Variants in ZMAT4 observed in about 807,000 individuals in gnomAD.
ZMAT4 encodes the protein zinc finger matrin-type 4.
A neutral mutation model predicts 28.7 loss-of-function variants in ZMAT4; 17 were observed. That is an observed-to-expected ratio of 0.59 (90% CI 0.41 to 0.89). ZMAT4 has a LOEUF of 0.89. Ranked by LOEUF, ZMAT4 falls within the 40% of genes least tolerant of loss-of-function variation. The pLI is 0.00. For synonymous variants in ZMAT4, 117 were observed against 109.2 expected (o/e 1.07, Z -0.44); for missense variants, 240 against 283.8 (o/e 0.85, Z 1.11).
At chr8:40,634,319 T>C (rs1451680) in intron 5 of ZMAT4, among the ~76,000 whole-genome samples, 86,077 of 151,934 alleles carry the variant, frequency 0.57, 25,470 homozygotes, top group East Asian at 0.69. Context: ...GAAAAAGACC[T>C]TGTAAGTCTA....
intron 3 of ZMAT4, among the ~76,000 whole-genome samples, chr8:40,763,914 T>G (rs4236932): frequency 6.6e-6 from 1 of 152,190 alleles, no homozygotes; most frequent in East Asian, 1.9e-4. Context: ...ATAAAAATAC[T>G]GTTTACTTAA....
chr8:40,729,921 A>G (rs7812652), intron 3 of ZMAT4, among the ~76,000 whole-genome samples: 41,604 of 152,106 alleles, frequency 0.27, 6,572 homozygotes, highest in East Asian at 0.56. Context: ...GTATTTAAAA[A>G]AACAAAATTA....
intron 1 of ZMAT4, among the ~76,000 whole-genome samples, chr8:40,833,448 A>G (rs1816358223): frequency 6.6e-6 from 1 of 151,004 alleles, no homozygotes; most frequent in Non-Finnish European, 1.5e-5. Flanking sequence ...CGTGCCTGTA[A>G]TCCCAGCTAC....
At chr8:40,768,096 GCTGCC>G (rs2150561840) in intron 2 of ZMAT4, among the ~76,000 whole-genome samples, 1 of 152,296 alleles carries the variant, frequency 6.6e-6, no homozygotes, top group East Asian at 1.9e-4. Context: ...TCTCACTACT[GCTGCC>G]CTGCCCTCAG....
At chr8:40,599,824 G>GC (rs1237468681) in intron 5 of ZMAT4, among the ~76,000 whole-genome samples, 1 of 152,102 alleles carries the variant, frequency 6.6e-6, no homozygotes, top group Non-Finnish European at 1.5e-5. Flanking sequence ...GGGGGCCCCC[G>GC]CCCCTCCTCC....
chr8:40,793,544 C>A (rs115692531), intron 2 of ZMAT4, among the ~76,000 whole-genome samples: 2 of 152,176 alleles, frequency 1.3e-5, no homozygotes, highest in African/African-American at 4.8e-5. Flanking sequence ...TCCTTTCAAG[C>A]GTTACAAATT....
At chr8:40,854,447 G>T (rs765783483) in intron 1 of ZMAT4, among the ~76,000 whole-genome samples, 1 of 152,154 alleles carries the variant, frequency 6.6e-6, no homozygotes, top group Non-Finnish European at 1.5e-5. Flanking sequence ...AAACAGCTCC[G>T]AGGAATATAA....
At chr8:40,656,517 T>G (rs1168742999) in intron 5 of ZMAT4, among the ~76,000 whole-genome samples, 1 of 152,150 alleles carries the variant, frequency 6.6e-6, no homozygotes, top group Non-Finnish European at 1.5e-5. Context: ...GTATTATTCA[T>G]AAGTCAAAGT....
intron 5 of ZMAT4, among the ~76,000 whole-genome samples, chr8:40,601,513 A>AAAG (rs1805332388): frequency 1.4e-5 from 1 of 72,126 alleles, no homozygotes; most frequent in Non-Finnish European, 3.0e-5. Flanking sequence ...AAGAAAGAGA[A>AAAG]AGAGAAAGAA....
At chr8:40,746,032 G>A (rs779746366) in intron 3 of ZMAT4, among the ~76,000 whole-genome samples, 9 of 151,840 alleles carry the variant, frequency 5.9e-5, no homozygotes, top group East Asian at 3.9e-4. Flanking sequence ...CACCATCTTC[G>A]CAGCCAGTAG....
chr8:40,547,179 A>C (rs553179663), intron 6 of ZMAT4, among the ~76,000 whole-genome samples: 1 of 152,292 alleles, frequency 6.6e-6, no homozygotes, highest in South Asian at 2.1e-4. Flanking sequence ...CAGTTTTCCC[A>C]CAGTCTGTGT....
intron 5 of ZMAT4, among the ~76,000 whole-genome samples, chr8:40,634,563 T>C (rs1217705292): frequency 6.6e-6 from 1 of 152,174 alleles, no homozygotes; most frequent in Non-Finnish European, 1.5e-5. Flanking sequence ...AAAGCAATAA[T>C]GTCATGCATC....
chr8:40,876,211 C>T (rs1406626790), intron 1 of ZMAT4, among the ~76,000 whole-genome samples: 1 of 152,198 alleles, frequency 6.6e-6, no homozygotes, highest in Non-Finnish European at 1.5e-5. Flanking sequence ...AGACCAACCC[C>T]TCCTATGCCT....
chr8:40,738,831 G>T (rs1457483451), intron 3 of ZMAT4, among the ~76,000 whole-genome samples: 1 of 152,106 alleles, frequency 6.6e-6, no homozygotes, highest in African/African-American at 2.4e-5. Flanking sequence ...TAAAAAAATG[G>T]CTCCAAAATA....
At chr8:40,895,630 C>T (rs2150674991) in intron 1 of ZMAT4, among the ~76,000 whole-genome samples, 1 of 152,256 alleles carries the variant, frequency 6.6e-6, no homozygotes, top group East Asian at 1.9e-4. Context: ...CCGCCCCCTC[C>T]CCCCACACTG....
intron 2 of ZMAT4, among the ~76,000 whole-genome samples, chr8:40,776,613 G>A (rs560266372): frequency 1.3e-5 from 2 of 152,212 alleles, no homozygotes; most frequent in South Asian, 2.1e-4. Flanking sequence ...CTCTTTTGCA[G>A]TTTGGGGAAA....
At chr8:40,667,834 T>TA (rs112035846) in intron 5 of ZMAT4, among the ~76,000 whole-genome samples, 17,084 of 134,338 alleles carry the variant, frequency 0.13, 1,575 homozygotes, top group East Asian at 0.43. Context: ...GTCCATTATT[T>TA]AAAAAAAAAA....
At chr8:40,613,184 T>TTC (rs1805868475) in intron 5 of ZMAT4, among the ~76,000 whole-genome samples, 1 of 13,820 alleles carries the variant, frequency 7.2e-5, no homozygotes, top group South Asian at 4.0e-3. Context: ...TTCTTTCTTT[T>TTC]TTTTTTTTTT....
At chr8:40,601,219 T>C (rs777631091) in intron 5 of ZMAT4, among the ~76,000 whole-genome samples, 2 of 152,032 alleles carry the variant, frequency 1.3e-5, no homozygotes, top group Non-Finnish European at 2.9e-5. Context: ...AAGTCCAGTA[T>C]GTGTCTTTGT....
Sources: allele counts gnomAD v4.1 joint callset (sites outside exome capture counted in the v4.1 genomes callset), GRCh38; gene constraint gnomAD v4.1.1; transcripts MANE v1.5; gene names NCBI Gene and HGNC (gene_info 2026-07-23, HGNC 2026-07-21).